Variants in MYO9A observed in about 807,000 individuals in gnomAD.
The protein encoded by MYO9A is myosin IXA.
In MYO9A, 103 loss-of-function variants were observed where a neutral mutation model predicts 293.3. That is an observed-to-expected ratio of 0.35 (90% CI 0.30 to 0.41). MYO9A has a LOEUF of 0.41. Among genes scored for constraint, MYO9A ranks in the 10% least tolerant of loss-of-function variants. MYO9A has a pLI of 1.00. For synonymous variants in MYO9A, 1,001 were observed against 1,035.7 expected, an observed-to-expected ratio of 0.97 and a Z score of 0.64; for missense variants, 2,685 against 3,033.0, an observed-to-expected ratio of 0.89 and a Z score of 2.69.
In MYO9A at chr15:71,917,377, A is replaced by C. The variant is rs892265163; in HGVS notation, c.2563-885T>G. 3.3e-5 allele frequency among the ~76,000 whole-genome samples: 5 copies of C among 152,224 alleles called. No homozygotes were observed. In the East Asian group the frequency reaches 9.7e-4, roughly 29 times the overall value. Reference sequence around the variant, plus strand: ...CAGTGAAACCCCGTCTCCACTAAAAATACAAAAATTAGGCAGGCATGGTGG... The same window carrying C: ...CAGTGAAACCCCGTCTCCACTAAAACTACAAAAATTAGGCAGGCATGGTGG... On this transcript the variant is annotated intron_variant, in intron 18 of 41. Transcript: ENST00000356056.
chr15:71,960,194 C>T, intron 13 of MYO9A, 98 bp from the exon 14 acceptor site: 1 of 1,052,674 alleles, frequency 9.5e-7, no homozygotes, highest in African/African-American at 1.6e-5. Flanking sequence ...TCCCTCCAAA[C>T]CTCATATTGA....
At chr15:71,877,549 C>T (rs1472335752) in intron 31 of MYO9A, among the ~76,000 whole-genome samples, 1 of 152,092 alleles carries the variant, frequency 6.6e-6, no homozygotes, top group African/African-American at 2.4e-5. Flanking sequence ...CCTCTGCCTC[C>T]TGGGTTCAAG....
At chr15:72,113,912 A>G (rs1037652945) in intron 1 of MYO9A, among the ~76,000 whole-genome samples, 8 of 152,184 alleles carry the variant, frequency 5.3e-5, no homozygotes, top group African/African-American at 1.9e-4. Flanking sequence ...GTTTTAAAAC[A>G]ATTGCAGCCA....
chr15:72,043,123 T>C lies in MYO9A; in HGVS notation c.840+2601A>G, dbSNP rs561947273. Among the ~76,000 whole-genome samples the C allele has an allele frequency of 2.8e-3, 420 of 151,938 alleles. 6 individuals are homozygous for C. The highest frequency in any genetic ancestry group is 6.0e-3 in the South Asian group (29 of 4,814). On this transcript the variant is annotated intron_variant, in intron 2 of 41. Transcript: ENST00000356056. Reference sequence around the variant, plus strand: ...GCACTAATATTTAAGTCTAGCCAGGTTGCAGAAGATAAGGTCAACGTGTAA... The same window carrying C: ...GCACTAATATTTAAGTCTAGCCAGGCTGCAGAAGATAAGGTCAACGTGTAA...
chr15:72,109,638 C>T (rs1024015903), intron 1 of MYO9A, among the ~76,000 whole-genome samples: 1 of 152,248 alleles, frequency 6.6e-6, no homozygotes, highest in South Asian at 2.1e-4. Context: ...CCTGTAATCA[C>T]AGCATTTTGG....
chr15:71,848,090 G>A (rs2055470623), intron 39 of MYO9A, among the ~76,000 whole-genome samples: 1 of 151,998 alleles, frequency 6.6e-6, no homozygotes, highest in Non-Finnish European at 1.5e-5. Flanking sequence ...ACAACTGAGA[G>A]GAAGGGTGGC....
intron 16 of MYO9A, among the ~76,000 whole-genome samples, chr15:71,936,215 C>T (rs2058639970): frequency 6.6e-6 from 1 of 151,950 alleles, no homozygotes; most frequent in Non-Finnish European, 1.5e-5. Flanking sequence ...AAGCCAGACA[C>T]AGAAAGACAA....
intron 25 of MYO9A, among the ~76,000 whole-genome samples, chr15:71,896,657 A>G (rs1418995064): frequency 4.6e-5 from 7 of 151,820 alleles, no homozygotes; most frequent in Admixed American, 3.9e-4. Flanking sequence ...GCGTGCACCT[A>G]TAGTCCCAGC....
At chr15:71,960,338 G>A (rs542778259) in intron 13 of MYO9A, 3 of 459,750 alleles carry the variant, frequency 6.5e-6, no homozygotes, top group African/African-American at 4.1e-5. Context: ...CCAAAATCTG[G>A]TTATTTAAAA....
chr15:71,925,254 TAC>T (rs1461042923), intron 18 of MYO9A, among the ~76,000 whole-genome samples: 1 of 149,804 alleles, frequency 6.7e-6, no homozygotes, highest in Admixed American at 6.7e-5. Flanking sequence ...CATATACGTA[TAC>T]ACATATATAC....
Position 71,869,168 on chromosome 15 carries a change from C to G in MYO9A, c.5980-6557G>C, listed in dbSNP as rs372888101. On this transcript the variant is annotated intron_variant, in intron 32 of 41. Coordinates refer to ENST00000356056, the MANE Select transcript of MYO9A (RefSeq NM_006901.4). ...TAAGAGTTTGAGGAATAAGAGGACA[C>G]TTATTTACATGGTCTGAAGTATATC... Among the ~76,000 whole-genome samples, 41 of 152,238 alleles carry G rather than the reference C, an allele frequency of 2.7e-4. 1 individual carries two copies. In the South Asian group the frequency reaches 5.4e-3, roughly 20 times the overall value.
At chr15:72,011,757 C>G (rs1233185622) in intron 6 of MYO9A, among the ~76,000 whole-genome samples, 1 of 152,120 alleles carries the variant, frequency 6.6e-6, no homozygotes, top group African/African-American at 2.4e-5. Context: ...TTCTCACAGT[C>G]CCTTGCACTT....
chr15:71,960,160 G>A (rs2059293342), intron 13 of MYO9A, 64 bp from the exon 14 acceptor site: 2 of 1,397,416 alleles, frequency 1.4e-6, no homozygotes, highest in Non-Finnish European at 1.0e-6. Context: ...AAGATGACGG[G>A]TGATAACATA....
chr15:71,856,631 C>T (rs34406214), intron 34 of MYO9A, among the ~76,000 whole-genome samples: 2,610 of 152,254 alleles, frequency 0.017, 38 homozygotes, highest in Non-Finnish European at 0.026. Context: ...TTAGTTTTAG[C>T]AGTATTATCA....
chr15:72,110,432 T>C (rs2080738714), intron 1 of MYO9A, among the ~76,000 whole-genome samples: 1 of 97,974 alleles, frequency 1.0e-5, no homozygotes, highest in Admixed American at 1.4e-4. Flanking sequence ...CAAGACTCCA[T>C]CTCAAAAAAA....
rs747518127 is a variant in MYO9A at position 71,996,765 on chromosome 15, C to T, written c.1471-2180G>A. Among the ~76,000 whole-genome samples the T allele has an allele frequency of 4.6e-5, 7 of 152,028 alleles. 1 individual carries two copies. The highest frequency in any genetic ancestry group is 1.5e-4 in the African/African-American group (6 of 41,372). ...TGCAAAGCAAATATCATTCTCACTACCGCAGCCTCCGAACTCATCTCTCTA... is the reference window on the plus strand; with the variant it reads ...TGCAAAGCAAATATCATTCTCACTATCGCAGCCTCCGAACTCATCTCTCTA... On this transcript the variant is annotated intron_variant, in intron 9 of 41. Transcript: ENST00000356056.
In MYO9A at chr15:72,086,779, T is replaced by G. The variant is rs77416505; in HGVS notation, c.-72+30901A>C. Reference sequence around the variant, plus strand: ...TTTTGTTGTTTTTGTTGTTGTTGTTTTTTTTGAGACAGAGTTTCACTCTTG... The same window carrying G: ...TTTTGTTGTTTTTGTTGTTGTTGTTGTTTTTGAGACAGAGTTTCACTCTTG... On this transcript the variant is annotated intron_variant, in intron 1 of 41. Coordinates refer to ENST00000356056, the MANE Select transcript of MYO9A (RefSeq NM_006901.4). Among the ~76,000 whole-genome samples, 31 of 151,622 alleles carry G rather than the reference T, an allele frequency of 2.0e-4. 1 individual carries two copies. Among genetic ancestry groups the G allele is most frequent in the African/African-American group, 5.8e-4 (24 of 41,300 alleles).
rs768266318 is a variant in MYO9A, at chr15:71,859,769, C to G, written c.6119G>C (p.Cys2040Ser). 7 of 1,613,258 alleles carry G rather than the reference C, an allele frequency of 4.3e-6. No homozygotes were observed. The change falls in exon 34 of 42, where the codon TGC becomes TCC. Residue 2040 changes from cysteine (C) to serine (S), a missense_variant. Physicochemically the swap from Cys to Ser is moderately radical, Grantham distance 112. Coordinates refer to ENST00000356056, the MANE Select transcript of MYO9A (RefSeq NM_006901.4). Reference protein sequence around the residue: ...KLCKYACHKKCCLKTTAKCSK... With the variant: ...KLCKYACHKKSCLKTTAKCSK... The stretch of plus-strand genomic sequence containing the variant: ...GCACTTGGCTGTGGTTTTCAGACAG[C>G]ACTTCTTATGGCAAGCATACTTGCA...
rs2057396171 is a variant in MYO9A, at chr15:71,898,527, T to C, written c.3976A>G (p.Ser1326Gly). ...QSPRGTPDSE[S>G]SQGSLELLSY... ...AGAAGTTCCAAGCTTCCTTGAGAGCTCTCACTATCAGGTGTACCCCGTGGA... is the reference window on the plus strand; with the variant it reads ...AGAAGTTCCAAGCTTCCTTGAGAGCCCTCACTATCAGGTGTACCCCGTGGA... Residue 1326 changes from serine to glycine, a missense_variant, in exon 25 of 42, where the codon AGC becomes GGC. Coordinates refer to ENST00000356056, the MANE Select transcript of MYO9A (RefSeq NM_006901.4). 2.5e-6 allele frequency: 4 copies of C among 1,613,924 alleles called. No homozygotes were observed. The highest frequency in any genetic ancestry group is 3.4e-6 in the Non-Finnish European group (4 of 1,180,032).
Sources: allele counts gnomAD v4.1 joint callset (sites outside exome capture counted in the v4.1 genomes callset), GRCh38; gene constraint gnomAD v4.1.1; transcripts MANE v1.5; gene names NCBI Gene and HGNC (gene_info 2026-07-23, HGNC 2026-07-21).